Variants in SALL2 observed in about 807,000 individuals in gnomAD.
The protein encoded by SALL2 is sal-like protein 2.
SALL2 carries 32 observed loss-of-function variants against 58.5 expected under a neutral mutation model. The observed-to-expected ratio is 0.55, with a 90% CI of 0.41 to 0.74. The LOEUF (loss-of-function observed/expected upper bound fraction) is 0.74. Among genes scored for constraint, SALL2 ranks in the 30% least tolerant of loss-of-function variants. The pLI is 0.00. For missense variants in SALL2, 1,201 were observed against 1,268.9 expected (o/e 0.95, Z 0.81); for synonymous variants, 516 against 513.6 (o/e 1.00, Z -0.06).
At position 21,525,522 on chromosome 14, in the gene SALL2, T is replaced by G. The variant is rs1389981486; in HGVS notation, c.200A>C (p.Gln67Pro). Reference protein sequence around the residue: ...DPPVMVIIGGQENPNNSSASS... With the variant: ...DPPVMVIIGGPENPNNSSASS... ...GGCCGAAGAGTTGTTGGGGTTCTCC[T>G]GGCCCCCAATTATCACCATTACAGG... Residue 67 changes from glutamine (Q) to proline (P), a missense_variant, in exon 2 of 2, where the codon CAG (glutamine) becomes CCG (proline). Physicochemically the swap from Gln to Pro is moderately conservative, Grantham distance 76 (BLOSUM62 -1). Transcript: ENST00000537235. This position sits in a 1 kb window ranked among gnomAD's most constrained non-coding sequence, Gnocchi z 4.4. The G allele has an allele frequency of 6.2e-7, 1 of 1,613,866 alleles. No homozygotes were observed. The highest frequency in any genetic ancestry group is 1.7e-5 in the Admixed American group (1 of 59,976).
At position 21,525,375 on chromosome 14, in the gene SALL2, C is replaced by G. The variant is rs369245096; in HGVS notation, c.347G>C (p.Gly116Ala). ...TDPTWGPERR[G>A]EESSGHFLVA... ...CAGGAAATGCCCTGAAGACTCCTCT[C>G]CTCTCCTCTCTGGGCCCCAGGTGGG... is the stretch of plus-strand genomic sequence containing the variant. The change falls in exon 2 of 2, where the codon GGA (glycine) becomes GCA (alanine). Residue 116 changes from glycine to alanine, a missense_variant. Around this residue, in one of 3 missense-constraint regions of SALL2, gnomAD observed 467 missense variants for 468.9 expected, o/e 1.00. Transcript: ENST00000537235. This position sits in a 1 kb window ranked among gnomAD's most constrained non-coding sequence, Gnocchi z 4.4. 6.2e-7 allele frequency: 1 copy of G among 1,614,112 alleles called. No homozygotes were observed. Among genetic ancestry groups the G allele is most frequent in the Admixed American group, 1.7e-5 (1 of 60,018 alleles).
In SALL2 at chr14:21,522,742, A is replaced by G; in HGVS notation, c.2980T>C (p.Ser994Pro). 1.3e-6 allele frequency: 2 copies of G among 1,537,672 alleles called. No homozygotes were observed. The highest frequency in any genetic ancestry group is 1.7e-6 in the Non-Finnish European group (2 of 1,145,424). Residue 994 changes from serine to proline, a missense_variant, in exon 2 of 2, where the codon TCC (serine) becomes CCC (proline). By Grantham distance (74) the Ser-to-Pro change is moderately conservative. This residue lies in a region of SALL2 where 675 missense variants were observed against 683.8 expected (regional missense o/e 0.99). Coordinates refer to ENST00000537235, the MANE Select transcript of SALL2 (RefSeq NM_001364564.1). ...GGGTCATCTTTTCGGGGAAAGGGGGAGAGCCCTGTGGAGGTGATGGAAGGC... is the reference window on the plus strand; with the variant it reads ...GGGTCATCTTTTCGGGGAAAGGGGGGGAGCCCTGTGGAGGTGATGGAAGGC... ...CSPSITSTGLSPFPRKDDPTI... is the reference protein window; with the variant it reads ...CSPSITSTGLPPFPRKDDPTI...
Position 21,522,863 on chromosome 14 carries a change from G to A in SALL2, c.2859C>T (p.Leu953=). Reference sequence around the variant, plus strand: ...GGTGTGCCAGGAGCATATGCTTCTTGAGGGTAGCCCGCTCAAGAAAGCCCT... The same window carrying A: ...GGTGTGCCAGGAGCATATGCTTCTTAAGGGTAGCCCGCTCAAGAAAGCCCT... ...CRQGFLERAT[L]KKHMLLAHHQ... Residue 953 remains leucine, a synonymous_variant, in exon 2 of 2, where the codon CTC becomes CTT. Transcript: ENST00000537235. 2 of 1,610,934 alleles carry A rather than the reference G, an allele frequency of 1.2e-6. No homozygotes were observed. Among genetic ancestry groups the A allele is most frequent in the Non-Finnish European group, 1.7e-6 (2 of 1,178,434 alleles).
chr14:21,522,589 A>G lies in SALL2; in HGVS notation c.*115T>C, dbSNP rs139948513. 131 of 1,444,042 alleles carry G rather than the reference A, an allele frequency of 9.1e-5. No individual in the cohort carries two copies. In the African/African-American group the frequency reaches 1.7e-3, roughly 19 times the overall value. The allele number at this position is 1,444,042 out of a possible 1,614,324, so 89.5% of individuals were successfully genotyped here. The stretch of plus-strand genomic sequence containing the variant: ...CTACAGAAAAGCCACTAGGGACATA[A>G]CATGTTAAGAACTTAGAGAAAAAGA... On this transcript the variant is annotated 3_prime_UTR_variant, in exon 2 of 2. Coordinates refer to ENST00000537235, the MANE Select transcript of SALL2 (RefSeq NM_001364564.1).
intron 1 of SALL2, among the ~76,000 whole-genome samples, chr14:21,532,524 C>T (rs1286946271): frequency 6.6e-6 from 1 of 152,010 alleles, no homozygotes; most frequent in Admixed American, 6.6e-5. Flanking sequence ...ACCTGTAATC[C>T]CAGCTGTTCA....
Position 21,524,778 on chromosome 14 carries a change from G to A in SALL2, c.944C>T (p.Pro315Leu), listed in dbSNP as rs748158349. ...PGSTDQLIAS[P>L]HLAFPSTTGL... ...CGTGGTGCTTGGGAATGCCAGATGA[G>A]GCGAGGCAATCAGCTGATCTGTGCT... Residue 315 changes from proline (P) to leucine (L), a missense_variant, in exon 2 of 2, where the codon CCT (proline) becomes CTT (leucine). Pro to Leu is a moderately conservative substitution (Grantham distance 98). This residue lies in a region of SALL2 where 467 missense variants were observed against 468.9 expected (regional missense o/e 1.00). Coordinates refer to ENST00000537235, the MANE Select transcript of SALL2 (RefSeq NM_001364564.1). 1.2e-6 allele frequency: 2 copies of A among 1,606,952 alleles called. No homozygotes were observed. The highest frequency in any genetic ancestry group is 1.7e-6 in the Non-Finnish European group (2 of 1,176,168).
chr14:21,535,151 C>G (rs1892560906), intron 1 of SALL2, among the ~76,000 whole-genome samples: 1 of 151,970 alleles, frequency 6.6e-6, no homozygotes, highest in Admixed American at 6.6e-5. Context: ...CCAGAGCATC[C>G]TGGCTAACAC....
Position 21,523,592 on chromosome 14 carries a change from C to T in SALL2, c.2130G>A (p.Met710Ile). ...NAVTLQQHVR[M>I]HLGGQIPNGG... Reference sequence around the variant, plus strand: ...CGTTGGGGATCTGGCCCCCCAGGTGCATCCGGACATGCTGCTGCAGAGTGA... The same window carrying T: ...CGTTGGGGATCTGGCCCCCCAGGTGTATCCGGACATGCTGCTGCAGAGTGA... The change falls in exon 2 of 2, where the codon ATG becomes ATA. Residue 710 changes from methionine (M) to isoleucine (I), a missense_variant. Coordinates refer to ENST00000537235, the MANE Select transcript of SALL2 (RefSeq NM_001364564.1). This position sits in a 1 kb window ranked among gnomAD's most constrained non-coding sequence, Gnocchi z 4.4. The T allele has an allele frequency of 6.2e-7, 1 of 1,614,208 alleles. No homozygotes were observed. Among genetic ancestry groups the T allele is most frequent in the Non-Finnish European group, 8.5e-7 (1 of 1,180,042 alleles).
rs2280751 is a variant in SALL2 at position 21,535,494 on chromosome 14, A to G, written c.-114+1468T>C. ...ATATAATGATAATAACGATATTCACACATATTAAGCACTTATTTATGCTAG... is the reference window on the plus strand; with the variant it reads ...ATATAATGATAATAACGATATTCACGCATATTAAGCACTTATTTATGCTAG... On this transcript the variant is annotated intron_variant, in intron 1 of 1. Coordinates refer to the SALL2 transcript ENST00000541965. Among the ~76,000 whole-genome samples, 37 of 152,334 alleles carry G rather than the reference A, an allele frequency of 2.4e-4. 1 individual carries two copies. The East Asian group carries it at 6.2e-3, about 25-fold the overall frequency.
chr14:21,525,153 C>T lies in SALL2; in HGVS notation c.569G>A (p.Arg190Gln), dbSNP rs761046405. Reference protein sequence around the residue: ...ILEELRVLQQRQIHQMQMTEQ... With the variant: ...ILEELRVLQQQQIHQMQMTEQ... ...AGTCATCTGCATCTGATGGATCTGC[C>T]GCTGCTGCAGCACCCGTAGCTCTTC... Residue 190 changes from arginine (R) to glutamine (Q), a missense_variant, in exon 2 of 2, where the codon CGG (arginine) becomes CAG (glutamine). By Grantham distance (43) the Arg-to-Gln change is conservative. Transcript: ENST00000537235. The surrounding 1 kb of genome is among the most constrained non-coding windows in gnomAD (Gnocchi z 4.4). 1.2e-6 allele frequency: 2 copies of T among 1,614,002 alleles called. No homozygotes were observed. Among genetic ancestry groups the T allele is most frequent in the South Asian group, 2.2e-5 (2 of 91,086 alleles).
chr14:21,525,400 G>A lies in SALL2; in HGVS notation c.322C>T (p.Pro108Ser). 1 of 1,614,062 alleles carries A rather than the reference G, an allele frequency of 6.2e-7. No individual in the cohort carries two copies. The highest frequency in any genetic ancestry group is 8.5e-7 in the Non-Finnish European group (1 of 1,179,974). The part of the protein sequence containing the change: ...PDSGSSVPTD[P>S]TWGPERRGEE... ...CCTCTCCTCTCTGGGCCCCAGGTGG[G>A]ATCCGTGGGCACGGAGGACCCAGAA... The change falls in exon 2 of 2, where the codon CCC (proline) becomes TCC (serine). Residue 108 changes from proline (P) to serine (S), a missense_variant. This residue lies in a region of SALL2 where 467 missense variants were observed against 468.9 expected (regional missense o/e 1.00). Coordinates refer to ENST00000537235, the MANE Select transcript of SALL2 (RefSeq NM_001364564.1). The surrounding 1 kb of genome is among the most constrained non-coding windows in gnomAD (Gnocchi z 4.4).
rs751641379 is a variant in SALL2 at position 21,523,040 on chromosome 14, C to A, written c.2682G>T (p.Leu894=). The A allele has an allele frequency of 8.7e-6, 14 of 1,614,174 alleles. No homozygotes were observed. The South Asian group carries it at 1.4e-4, about 16-fold the overall frequency. The part of the protein sequence containing the change: ...TSVTLVEELS[L]QEAMRKEPGE... The stretch of plus-strand genomic sequence containing the variant: ...CTGGCTCCTTTCTCATTGCCTCCTG[C>A]AGGCTCAGCTCCTCTACCAAGGTCA... The change falls in exon 2 of 2, where the codon CTG becomes CTT. Residue 894 remains leucine (L), a synonymous_variant. Transcript: ENST00000537235. This position sits in a 1 kb window ranked among gnomAD's most constrained non-coding sequence, Gnocchi z 4.4.
In SALL2 at chr14:21,524,910, G is replaced by C. The variant is rs765988175; in HGVS notation, c.812C>G (p.Ala271Gly). ...SSSGAETPKQ[A>G]FFHLYHPLGS... ...CAGTGGGTGGTAAAGGTGGAAGAAG[G>C]CCTGCTTGGGCGTTTCTGCCCCTGA... Residue 271 changes from alanine to glycine, a missense_variant, in exon 2 of 2, where the codon GCC becomes GGC. Transcript: ENST00000537235. 3.7e-6 allele frequency: 6 copies of C among 1,614,078 alleles called. No individual in the cohort carries two copies. The African/African-American group carries it at 6.7e-5, about 18-fold the overall frequency.
chr14:21,536,523 C>G (rs936483683), intron 1 of SALL2, among the ~76,000 whole-genome samples: 11 of 152,156 alleles, frequency 7.2e-5, no homozygotes, highest in African/African-American at 2.2e-4. Context: ...GGTCTGAGGA[C>G]GTTACTTAGC....
chr14:21,525,518 C>T lies in SALL2; in HGVS notation c.204G>A (p.Glu68=), dbSNP rs376092361. Residue 68 remains glutamate, a synonymous_variant, in exon 2 of 2, where the codon GAG becomes GAA. Coordinates refer to ENST00000537235, the MANE Select transcript of SALL2 (RefSeq NM_001364564.1). This position sits in a 1 kb window ranked among gnomAD's most constrained non-coding sequence, Gnocchi z 4.4. ...PPVMVIIGGQ[E]NPNNSSASSE... ...AGGAGGCCGAAGAGTTGTTGGGGTTCTCCTGGCCCCCAATTATCACCATTA... is the reference window on the plus strand; with the variant it reads ...AGGAGGCCGAAGAGTTGTTGGGGTTTTCCTGGCCCCCAATTATCACCATTA... 71 of 1,613,858 alleles carry T rather than the reference C, an allele frequency of 4.4e-5. No homozygotes were observed. Among genetic ancestry groups the T allele is most frequent in the African/African-American group, 8.0e-5 (6 of 74,874 alleles).
At position 21,524,707 on chromosome 14, in the gene SALL2, C is replaced by T. The variant is rs140460969; in HGVS notation, c.1015G>A (p.Ala339Thr). Reference sequence around the variant, plus strand: ...TTCAGGAGCCCTGGGGAGGCAGTGGCCTCAAGGCCTCGGGCTGCCCCAAGA... The same window carrying T: ...TTCAGGAGCCCTGGGGAGGCAGTGGTCTCAAGGCCTCGGGCTGCCCCAAGA... ...QCLGAARGLE[A>T]TASPGLLKPK... Residue 339 changes from alanine to threonine, a missense_variant, in exon 2 of 2, where the codon GCC becomes ACC. Physicochemically the swap from Ala to Thr is moderately conservative, Grantham distance 58 (BLOSUM62 0). Transcript: ENST00000537235. The T allele has an allele frequency of 2.5e-5, 41 of 1,613,664 alleles. No homozygotes were observed. The African/African-American group carries it at 3.9e-4, about 15-fold the overall frequency.
rs930827894 is a variant in SALL2 at position 21,522,550 on chromosome 14, T to C, written c.*154A>G. The C allele has an allele frequency of 3.9e-5, 54 of 1,390,778 alleles. No individual in the cohort carries two copies. The highest frequency in any genetic ancestry group is 4.7e-5 in the Non-Finnish European group (51 of 1,075,962). The allele number at this position is 1,390,778 out of a possible 1,614,324, so 86.2% of individuals were successfully genotyped here. On this transcript the variant is annotated 3_prime_UTR_variant, in exon 2 of 2. Coordinates refer to ENST00000537235, the MANE Select transcript of SALL2 (RefSeq NM_001364564.1). ...CCATCCCCTTGTAAGCACAGTAATTTCCAAGCTCAGGGACTACAGAAAAGC... is the reference window on the plus strand; with the variant it reads ...CCATCCCCTTGTAAGCACAGTAATTCCCAAGCTCAGGGACTACAGAAAAGC...
At position 21,523,415 on chromosome 14, in the gene SALL2, C is replaced by A. The variant is rs751334382; in HGVS notation, c.2307G>T (p.Glu769Asp). 6.2e-7 allele frequency: 1 copy of A among 1,613,974 alleles called. No individual in the cohort carries two copies. Among genetic ancestry groups the A allele is most frequent in the South Asian group, 1.1e-5 (1 of 91,086 alleles). The change falls in exon 2 of 2, where the codon GAG becomes GAT. Residue 769 changes from glutamate to aspartate, a missense_variant. Physicochemically the swap from Glu to Asp is conservative, Grantham distance 45. Transcript: ENST00000537235. The surrounding 1 kb of genome is among the most constrained non-coding windows in gnomAD (Gnocchi z 4.4). The stretch of plus-strand genomic sequence containing the variant: ...CATCAGTCACATCTTCCTCTTCTTC[C>A]TCATCCTCCTCTTCCTCCTCCTCAG... ...ELSEEEEEED[E>D]EEEEDVTDED...
At chr14:21,534,590 G>A (rs943224926) in intron 1 of SALL2, among the ~76,000 whole-genome samples, 3 of 152,072 alleles carry the variant, frequency 2.0e-5, no homozygotes, top group Non-Finnish European at 4.4e-5. Flanking sequence ...GCTATGATAT[G>A]GGGAATGGGT....
Sources: gnomAD v4.1 joint callset for allele counts (sites outside exome capture counted in the v4.1 genomes callset) on GRCh38, gnomAD v4.1.1 for gene constraint, gnomAD v4.1.1 regional missense constraint, Gnocchi (gnomAD v3.1) non-coding constraint, MANE v1.5 for transcripts, NCBI Gene and HGNC (gene_info 2026-07-23, HGNC 2026-07-21) for gene names.